RGS7: variants seen among roughly 807,000 people sequenced by gnomAD.
The protein encoded by RGS7 is regulator of G protein signaling 7, also known as regulator of G-protein signaling 7.
RGS7 carries 27 observed loss-of-function variants against 81.1 expected under a neutral mutation model. That is an observed-to-expected ratio of 0.33 (90% CI 0.25 to 0.46). The LOEUF (loss-of-function observed/expected upper bound fraction) is 0.46, where lower values mean the gene tolerates loss of function less well. Among genes scored for constraint, RGS7 ranks in the 20% least tolerant of loss-of-function variants. RGS7 has a pLI of 1.00. For missense variants in RGS7, 396 were observed against 607.4 expected (o/e 0.65, Z 3.66); for synonymous variants, 208 against 207.7 (o/e 1.00, Z -0.01).
At chr1:240,802,522 C>T (rs1688191789) in intron 16 of RGS7, among the ~76,000 whole-genome samples, 1 of 152,142 alleles carries the variant, frequency 6.6e-6, no homozygotes, top group African/African-American at 2.4e-5. Context: ...TGGTTCAAAA[C>T]ATACATTCTA....
intron 2 of RGS7, among the ~76,000 whole-genome samples, chr1:241,131,491 T>G (rs2067095750): frequency 6.6e-6 from 1 of 152,166 alleles, no homozygotes; most frequent in Non-Finnish European, 1.5e-5. Context: ...TGGCTGATGT[T>G]GCTGGTTGGG....
intron 2 of RGS7, among the ~76,000 whole-genome samples, chr1:241,327,748 T>C (rs1276918934): frequency 6.6e-6 from 1 of 152,238 alleles, no homozygotes; most frequent in Non-Finnish European, 1.5e-5. Context: ...TGTTAAGGTT[T>C]TATGACTATA....
rs1210677378 is a variant in RGS7, at chr1:241,144,829, T to G, written c.79-46067A>C. On this transcript the variant is annotated intron_variant, in intron 2 of 18. Transcript: ENST00000440928. This position sits in a 1 kb window ranked among gnomAD's most constrained non-coding sequence, Gnocchi z 4.7. ...TTGCAGGAACATACAGAAGATCATT[T>G]CTCCTCTTTCATTTTCTTGCTGCCT... is the stretch of plus-strand genomic sequence containing the variant. Among the ~76,000 whole-genome samples the G allele has an allele frequency of 6.6e-6, 1 of 152,014 alleles. No homozygotes were observed.
At chr1:240,796,403 C>T (rs866039885) in intron 18 of RGS7, among the ~76,000 whole-genome samples, 1 of 152,062 alleles carries the variant, frequency 6.6e-6, no homozygotes, top group Non-Finnish European at 1.5e-5. Flanking sequence ...AAACAGATTT[C>T]GGCTGGGCAC....
intron 2 of RGS7, among the ~76,000 whole-genome samples, chr1:241,335,083 G>A (rs990739222): frequency 6.6e-6 from 1 of 152,156 alleles, no homozygotes; most frequent in African/African-American, 2.4e-5. Flanking sequence ...GCAAAAAACT[G>A]CAGACTGATC....
chr1:241,002,864 C>A (rs1244181846), intron 3 of RGS7, among the ~76,000 whole-genome samples: 1 of 152,124 alleles, frequency 6.6e-6, no homozygotes, highest in Non-Finnish European at 1.5e-5. Context: ...TCAATAAATT[C>A]TAATTAAAAC....
At chr1:241,137,924 A>C (rs1232475503) in intron 2 of RGS7, among the ~76,000 whole-genome samples, 1 of 152,174 alleles carries the variant, frequency 6.6e-6, no homozygotes. Context: ...TAATCCCAGC[A>C]CTTTGGAAGG....
intron 18 of RGS7, among the ~76,000 whole-genome samples, chr1:240,781,351 AC>A (rs1684036521): frequency 6.6e-6 from 1 of 152,210 alleles, no homozygotes; most frequent in African/African-American, 2.4e-5. Context: ...CAGGCCTGTA[AC>A]CCCCGCACTT....
chr1:240,954,275 C>G (rs1412160732), intron 4 of RGS7, among the ~76,000 whole-genome samples: 2 of 151,918 alleles, frequency 1.3e-5, no homozygotes, highest in African/African-American at 2.4e-5. Context: ...TAACTTAATA[C>G]TAAAGTCAGA....
chr1:241,025,321 A>C (rs2059731322), intron 3 of RGS7, among the ~76,000 whole-genome samples: 2 of 152,220 alleles, frequency 1.3e-5, no homozygotes, highest in African/African-American at 4.8e-5. Flanking sequence ...CTGAATGCTT[A>C]TTAAGTTCTT....
At chr1:241,356,367 G>C (rs1260560559) in intron 1 of RGS7, among the ~76,000 whole-genome samples, 3 of 152,122 alleles carry the variant, frequency 2.0e-5, no homozygotes, top group Non-Finnish European at 4.4e-5. Context: ...CTCCCACACA[G>C]AGCCGGAGTA....
intron 2 of RGS7, among the ~76,000 whole-genome samples, chr1:241,229,387 T>C (rs1281544544): frequency 6.6e-6 from 1 of 152,194 alleles, no homozygotes; most frequent in African/African-American, 2.4e-5. Flanking sequence ...ACCTTTGAAT[T>C]CTTGGCAGCC....
rs1682896073 is a variant in RGS7 at position 240,776,213 on chromosome 1, C to T, written c.*7G>A. ...AACCTCTTGGACGTGAGAGATTTCCCCTGAGAAAATATATAAAACAAGAGA... is the reference window on the plus strand; with the variant it reads ...AACCTCTTGGACGTGAGAGATTTCCTCTGAGAAAATATATAAAACAAGAGA... On this transcript the variant is annotated splice_region_variant and 3_prime_UTR_variant, in exon 19 of 19. Coordinates refer to ENST00000440928, the MANE Select transcript of RGS7 (RefSeq NM_001364886.1). The T allele has an allele frequency of 1.2e-6, 2 of 1,606,370 alleles. No homozygotes were observed. The highest frequency in any genetic ancestry group is 2.2e-5 in the South Asian group (2 of 90,896).
At chr1:240,994,642 ATC>A (rs1221650860) in intron 3 of RGS7, among the ~76,000 whole-genome samples, 2 of 151,928 alleles carry the variant, frequency 1.3e-5, no homozygotes, top group African/African-American at 4.8e-5. Flanking sequence ...TTCCTTTCTG[ATC>A]TGTGTATCTC....
At chr1:240,971,340 T>C (rs79462561) in intron 4 of RGS7, among the ~76,000 whole-genome samples, 7,098 of 152,286 alleles carry the variant, frequency 0.047, 191 homozygotes, top group South Asian at 0.099. Context: ...CATTCTGTTA[T>C]AGCACCCTGA....
chr1:241,094,176 C>T (rs1439799291), intron 3 of RGS7, among the ~76,000 whole-genome samples: 1 of 151,986 alleles, frequency 6.6e-6, no homozygotes, highest in Admixed American at 6.6e-5. Flanking sequence ...TCCTTTGCTG[C>T]TCTCTGCACA....
rs1376728520 is a variant in RGS7 at position 241,221,366 on chromosome 1, T to C, written c.79-122604A>G. Among the ~76,000 whole-genome samples, 3 of 152,340 alleles carry C rather than the reference T, an allele frequency of 2.0e-5. No homozygotes were observed. The East Asian group carries it at 5.8e-4, about 29-fold the overall frequency. On this transcript the variant is annotated intron_variant, in intron 2 of 18. Coordinates refer to ENST00000440928, the MANE Select transcript of RGS7 (RefSeq NM_001364886.1). ...GCAGATGTGGCATAGACTGGCGAGA[T>C]GCTCACCCACCTGTTTCCTTTCTTC...
At chr1:240,947,940 CA>C (rs1323770257) in intron 4 of RGS7, among the ~76,000 whole-genome samples, 1 of 152,118 alleles carries the variant, frequency 6.6e-6, no homozygotes, top group Non-Finnish European at 1.5e-5. Context: ...TCAAACATAC[CA>C]AGCATGCGCA....
intron 7 of RGS7, 95 bp downstream of exon 7, chr1:240,869,960 A>T: frequency 1.9e-6 from 2 of 1,033,164 alleles, no homozygotes; most frequent in South Asian, 1.3e-5. Context: ...AAAAAGATCC[A>T]TGAATGAAGA....
Sources: gnomAD v4.1 joint callset for allele counts (sites outside exome capture counted in the v4.1 genomes callset) on GRCh38, gnomAD v4.1.1 for gene constraint, Gnocchi (gnomAD v3.1) non-coding constraint, MANE v1.5 for transcripts, NCBI Gene and HGNC (gene_info 2026-07-23, HGNC 2026-07-21) for gene names.